TGDS: variants seen among roughly 807,000 people sequenced by gnomAD.
TGDS encodes the protein UDP-D-glucose 4,6-dehydratase.
In TGDS, 47 loss-of-function variants were observed where a neutral mutation model predicts 52.3. The ratio of observed to expected loss-of-function variants is 0.90; its 90% CI spans 0.71 to 1.15. The LOEUF is 1.15. TGDS is among the 50% of genes most tolerant of loss of function. The pLI is 0.00. For synonymous variants in TGDS, 115 were observed against 136.9 expected (o/e 0.84, Z 1.12); for missense variants, 375 against 418.4 (o/e 0.90, Z 0.90).
chr13:94,577,360 T>A lies in TGDS; in HGVS notation c.884+11A>T. ...CACAACCTTTCCCCAAGGTTTTAACTTGTTACTCACCTATCATTAACATAA... is the reference window on the plus strand; with the variant it reads ...CACAACCTTTCCCCAAGGTTTTAACATGTTACTCACCTATCATTAACATAA... On this transcript the variant is annotated intron_variant, in intron 10 of 11. Coordinates refer to ENST00000261296, the MANE Select transcript of TGDS (RefSeq NM_014305.4). The A allele has an allele frequency of 1.3e-6, 2 of 1,563,148 alleles. No homozygotes were observed. Among genetic ancestry groups the A allele is most frequent in the Non-Finnish European group, 1.7e-6 (2 of 1,160,362 alleles).
chr13:94,586,506 T>C (rs1356628962), intron 4 of TGDS, among the ~76,000 whole-genome samples: 4 of 152,216 alleles, frequency 2.6e-5, no homozygotes, highest in Non-Finnish European at 5.9e-5. Flanking sequence ...CTAATGGATG[T>C]GTAAAGAACA....
intron 2 of TGDS, 129 bp downstream of exon 2, chr13:94,593,712 A>T (rs1303652266): frequency 1.3e-5 from 9 of 679,096 alleles, no homozygotes; most frequent in Non-Finnish European, 2.0e-5. Flanking sequence ...ATTACTATAC[A>T]GAGCCTCTGA....
At chr13:94,594,959 G>C (rs921781063) in intron 1 of TGDS, among the ~76,000 whole-genome samples, 5 of 152,154 alleles carry the variant, frequency 3.3e-5, no homozygotes, top group African/African-American at 1.2e-4. Context: ...TCCAGGTGCT[G>C]AATGAACAGT....
rs979073940 is a variant in TGDS, at chr13:94,585,657, G to A, written c.314-2421C>T. Among the ~76,000 whole-genome samples the A allele has an allele frequency of 2.1e-4, 32 of 151,912 alleles. 1 individual carries two copies. The highest frequency in any genetic ancestry group is 6.2e-4 in the South Asian group (3 of 4,818). On this transcript the variant is annotated intron_variant, in intron 4 of 11. Coordinates refer to ENST00000261296, the MANE Select transcript of TGDS (RefSeq NM_014305.4). ...TACTCAAAATACAAAAAAATAAACC[G>A]GGCGTGGTGGCACACGCCTGTAATC...
At chr13:94,592,116 C>A (rs532381287) in intron 3 of TGDS, 125 bp downstream of exon 3, 3 of 620,592 alleles carry the variant, frequency 4.8e-6, no homozygotes, top group East Asian at 6.4e-5. Flanking sequence ...ACTACCTGAT[C>A]TTTTAAAAGG....
chr13:94,580,081 G>A, intron 6 of TGDS, 128 bp from the exon 7 acceptor site: 1 of 552,686 alleles, frequency 1.8e-6, no homozygotes, highest in Non-Finnish European at 3.1e-6. Flanking sequence ...AGGTCAAAGG[G>A]AAGAGATTTT....
chr13:94,582,869 G>A (rs930857188), intron 5 of TGDS, among the ~76,000 whole-genome samples: 5 of 152,148 alleles, frequency 3.3e-5, no homozygotes, highest in Non-Finnish European at 7.3e-5. Flanking sequence ...TCCTCAGCTG[G>A]CAGATGGCCT....
intron 4 of TGDS, among the ~76,000 whole-genome samples, chr13:94,586,462 A>G (rs1413307894): frequency 6.6e-5 from 10 of 152,234 alleles, no homozygotes; most frequent in Non-Finnish European, 1.5e-4. Flanking sequence ...AGAAATATAC[A>G]AGAGATTTAA....
chr13:94,593,712 A>G, intron 2 of TGDS, 129 bp downstream of exon 2: 1 of 679,214 alleles, frequency 1.5e-6, no homozygotes, highest in Non-Finnish European at 2.5e-6. Flanking sequence ...ATTACTATAC[A>G]GAGCCTCTGA....
chr13:94,576,193 A>T, intron 11 of TGDS, 121 bp downstream of exon 11: 1 of 592,958 alleles, frequency 1.7e-6, no homozygotes, highest in Non-Finnish European at 2.6e-6. Context: ...AAATGTGGCA[A>T]TTTGAAAAGT....
At position 94,593,790 on chromosome 13, in the gene TGDS, A is replaced by G. The variant is rs757853909; in HGVS notation, c.153+51T>C. On this transcript the variant is annotated intron_variant, in intron 2 of 11. Coordinates refer to ENST00000261296, the MANE Select transcript of TGDS (RefSeq NM_014305.4). ...CAAGATTCTAGTACTTTTAGAAAACATAAATTGAAATGTAATTTCAGTGCA... is the reference window on the plus strand; with the variant it reads ...CAAGATTCTAGTACTTTTAGAAAACGTAAATTGAAATGTAATTTCAGTGCA... 11 of 1,259,138 alleles carry G rather than the reference A, an allele frequency of 8.7e-6. No individual in the cohort carries two copies. In the East Asian group the frequency reaches 1.9e-4, roughly 21 times the overall value. 78.0% of individuals were successfully genotyped at this position (1,259,138 alleles called of 1,614,324 possible). A position where few individuals can be genotyped will look rare whatever the true frequency, so the allele number is the denominator to read the frequency against.
chr13:94,591,260 T>C (rs1406693217), intron 3 of TGDS, among the ~76,000 whole-genome samples: 8 of 152,232 alleles, frequency 5.3e-5, no homozygotes, highest in Non-Finnish European at 8.8e-5. Context: ...TTTTTAGCAC[T>C]TTTTAAAAAA....
At chr13:94,581,965 C>T (rs534041623) in intron 5 of TGDS, among the ~76,000 whole-genome samples, 13 of 152,004 alleles carry the variant, frequency 8.6e-5, no homozygotes, top group South Asian at 2.1e-4. Flanking sequence ...TTTGGGAGGC[C>T]GAGGCAGGCG....
intron 1 of TGDS, 34 bp downstream of exon 1, chr13:94,596,017 G>C (rs1160623396): frequency 6.2e-7 from 1 of 1,612,062 alleles, no homozygotes; most frequent in Non-Finnish European, 8.5e-7. Context: ...GGTTTCTGGG[G>C]AGCCACTGCT....
At chr13:94,590,795 G>A (rs1036752012) in intron 4 of TGDS, 58 bp downstream of exon 4, 3 of 1,327,480 alleles carry the variant, frequency 2.3e-6, no homozygotes, top group African/African-American at 1.5e-5. Flanking sequence ...TAAGTATTAG[G>A]GGGGCGAGGG....
chr13:94,577,643 C>A (rs955841052), intron 9 of TGDS, among the ~76,000 whole-genome samples: 11 of 152,124 alleles, frequency 7.2e-5, no homozygotes, highest in Non-Finnish European at 1.3e-4. Context: ...TATTCAGTTC[C>A]TCTTTCTATT....
chr13:94,593,544 A>T (rs1889277285), intron 2 of TGDS, among the ~76,000 whole-genome samples: 1 of 152,236 alleles, frequency 6.6e-6, no homozygotes, highest in Non-Finnish European at 1.5e-5. Context: ...TTGCCTTATG[A>T]ATTTTTCTTA....
At chr13:94,586,371 G>T (rs562610001) in intron 4 of TGDS, among the ~76,000 whole-genome samples, 1 of 152,234 alleles carries the variant, frequency 6.6e-6, no homozygotes, top group South Asian at 2.1e-4. Flanking sequence ...CTATATTAAT[G>T]TCAAACAAAA....
At position 94,596,124 on chromosome 13, in the gene TGDS, A is replaced by C. The variant is rs1261136477; in HGVS notation, c.13T>G (p.Cys5Gly). 6.2e-7 allele frequency: 1 copy of C among 1,614,084 alleles called. No homozygotes were observed. The highest frequency in any genetic ancestry group is 8.5e-7 in the Non-Finnish European group (1 of 1,179,966). MSAACWEEPWGLPGG... is the reference protein window; with the variant it reads MSAAGWEEPWGLPGG... Reference sequence around the variant, plus strand: ...GGAAGACCCCACGGTTCCTCCCAACACGCCGCCGACATCTCCCAGCTCAGC... The same window carrying C: ...GGAAGACCCCACGGTTCCTCCCAACCCGCCGCCGACATCTCCCAGCTCAGC... Residue 5 changes from cysteine (C) to glycine (G), a missense_variant, in exon 1 of 12, where the codon TGT becomes GGT. Coordinates refer to ENST00000261296, the MANE Select transcript of TGDS (RefSeq NM_014305.4).
Sources: allele counts gnomAD v4.1 joint callset (sites outside exome capture counted in the v4.1 genomes callset), GRCh38; gene constraint gnomAD v4.1.1; transcripts MANE v1.5; gene names NCBI Gene and HGNC (gene_info 2026-07-23, HGNC 2026-07-21).